The following ICA1 variants were observed in gnomAD, a reference collection of about 807,000 sequenced individuals.
The protein encoded by ICA1 is islet cell autoantigen 1.
A neutral mutation model predicts 71.0 loss-of-function variants in ICA1; 40 were observed. That is an observed-to-expected ratio of 0.56 (90% CI 0.44 to 0.73). ICA1 has a LOEUF of 0.73. Among genes scored for constraint, ICA1 ranks in the 30% least tolerant of loss-of-function variants. The pLI is 0.00. For missense variants in ICA1, 578 were observed against 576.5 expected (o/e 1.00, Z -0.03); for synonymous variants, 207 against 209.5 (o/e 0.99, Z 0.10).
intron 1 of ICA1, among the ~76,000 whole-genome samples, chr7:8,261,568 G>C (rs1812413791): frequency 1.3e-5 from 2 of 152,220 alleles, no homozygotes; most frequent in South Asian, 4.2e-4. Flanking sequence ...GTTATAAAGA[G>C]GTACCCATAT....
At chr7:8,243,842 C>T (rs1271304133) in intron 1 of ICA1, among the ~76,000 whole-genome samples, 1 of 152,030 alleles carries the variant, frequency 6.6e-6, no homozygotes, top group Non-Finnish European at 1.5e-5. Flanking sequence ...ATAAAATACC[C>T]AGGAATCCAA....
At chr7:8,161,519 T>C (rs906634915) in intron 6 of ICA1, among the ~76,000 whole-genome samples, 1 of 152,208 alleles carries the variant, frequency 6.6e-6, no homozygotes, top group African/African-American at 2.4e-5. Flanking sequence ...GTCAATGGGA[T>C]GTTAACAAAT....
chr7:8,175,881 G>A (rs751511680), intron 6 of ICA1, among the ~76,000 whole-genome samples: 1 of 152,132 alleles, frequency 6.6e-6, no homozygotes, highest in Non-Finnish European at 1.5e-5. Flanking sequence ...TCCACTTTTC[G>A]GAGTTTCCAA....
chr7:8,218,804 G>A (rs1186953676), intron 5 of ICA1: 2 of 429,890 alleles, frequency 4.7e-6, no homozygotes, highest in Admixed American at 7.2e-5. Flanking sequence ...TTTGAAGCTG[G>A]GGCCAATCCC....
rs1791074903 is a variant in ICA1 at position 8,130,568 on chromosome 7, C to G, written c.1061-2426G>C. ...GAAACCAGATAATTACTGAACCAAACCTATTCTATTGAAACCAAGTCAAGT... is the reference window on the plus strand; with the variant it reads ...GAAACCAGATAATTACTGAACCAAAGCTATTCTATTGAAACCAAGTCAAGT... On this transcript the variant is annotated intron_variant, in intron 12 of 13. Transcript: ENST00000402384. This position sits in a 1 kb window ranked among gnomAD's most constrained non-coding sequence, Gnocchi z 4.2. Among the ~76,000 whole-genome samples, 1 of 152,180 alleles carries G rather than the reference C, an allele frequency of 6.6e-6. No individual in the cohort carries two copies. Among genetic ancestry groups the G allele is most frequent in the South Asian group, 2.1e-4 (1 of 4,830 alleles).
chr7:8,182,566 T>C (rs1022852502), intron 6 of ICA1, among the ~76,000 whole-genome samples: 11 of 152,192 alleles, frequency 7.2e-5, no homozygotes, highest in African/African-American at 2.7e-4. Flanking sequence ...GGACACCCAT[T>C]ATCCCTGGGA....
intron 6 of ICA1, among the ~76,000 whole-genome samples, chr7:8,169,402 CAGTA>C: frequency 6.6e-6 from 1 of 152,204 alleles, no homozygotes; most frequent in Non-Finnish European, 1.5e-5. Flanking sequence ...CTAAATCATA[CAGTA>C]AGTGTGTGCT....
At chr7:8,239,553 T>C (rs1016280193) in intron 1 of ICA1, among the ~76,000 whole-genome samples, 2 of 152,176 alleles carry the variant, frequency 1.3e-5, no homozygotes, top group Admixed American at 6.5e-5. Flanking sequence ...TGGTTGACAG[T>C]GGGTGCAACC....
chr7:8,201,940 C>T (rs1319526764), intron 6 of ICA1, among the ~76,000 whole-genome samples: 1 of 152,146 alleles, frequency 6.6e-6, no homozygotes, highest in South Asian at 2.1e-4. Flanking sequence ...CCAGATGCTG[C>T]AGCAAGATAA....
At chr7:8,146,371 G>A (rs1281420347) in intron 8 of ICA1, among the ~76,000 whole-genome samples, 1 of 152,154 alleles carries the variant, frequency 6.6e-6, no homozygotes, top group Non-Finnish European at 1.5e-5. Context: ...GTTTGTCTGA[G>A]GAACAAAAAG....
intron 6 of ICA1, among the ~76,000 whole-genome samples, chr7:8,211,571 G>A (rs1793805660): frequency 6.6e-6 from 1 of 152,156 alleles, no homozygotes; most frequent in Non-Finnish European, 1.5e-5. Context: ...TCTGGAATTG[G>A]ACTGTCTGGG....
chr7:8,152,424 G>T (rs1337853752), intron 8 of ICA1, among the ~76,000 whole-genome samples: 1 of 151,790 alleles, frequency 6.6e-6, no homozygotes, highest in African/African-American at 2.4e-5. Context: ...GTCATTACTG[G>T]AGCCTTTACC....
At chr7:8,202,866 C>A (rs1028429535) in intron 6 of ICA1, among the ~76,000 whole-genome samples, 13 of 58,586 alleles carry the variant, frequency 2.2e-4, no homozygotes, top group Non-Finnish European at 4.0e-4. Context: ...GCAATAGACA[C>A]ACCGCACGAA....
At chr7:8,221,248 G>C in intron 5 of ICA1, 27 bp downstream of exon 5, 1 of 1,612,640 alleles carries the variant, frequency 6.2e-7, no homozygotes, top group Non-Finnish European at 8.5e-7. Flanking sequence ...GATCCCCCCA[G>C]ATAGAACCCC....
intron 3 of ICA1, 34 bp from the exon 4 acceptor site, chr7:8,228,707 AAC>A: frequency 7.0e-7 from 1 of 1,418,838 alleles, no homozygotes; most frequent in Non-Finnish European, 9.8e-7. Context: ...TGCAAAATAA[AAC>A]AGACAGTGGT....
intron 4 of ICA1, among the ~76,000 whole-genome samples, chr7:8,227,412 T>G (rs74796466): frequency 1.8e-4 from 28 of 152,176 alleles, no homozygotes; most frequent in Non-Finnish European, 3.7e-4. Context: ...AATACCAGCA[T>G]TTGAGACTGA....
chr7:8,262,195 G>C (rs984517217), upstream of ICA1: 2 of 152,200 alleles, frequency 1.3e-5, no homozygotes, highest in Non-Finnish European at 2.9e-5. Flanking sequence ...GAAAGGGGCG[G>C]GGGGAGCGCA....
chr7:8,184,645 AC>A (rs1783316535), intron 6 of ICA1, among the ~76,000 whole-genome samples: 1 of 152,152 alleles, frequency 6.6e-6, no homozygotes. Flanking sequence ...TTGAAATAAA[AC>A]CTAATGAACT....
intron 12 of ICA1, among the ~76,000 whole-genome samples, chr7:8,129,119 C>T (rs1790452370): frequency 1.3e-5 from 2 of 152,160 alleles, no homozygotes; most frequent in African/African-American, 4.8e-5. Context: ...AATCTTACAC[C>T]AAGTCCTTTC....
Sources: allele counts gnomAD v4.1 joint callset (sites outside exome capture counted in the v4.1 genomes callset), GRCh38; gene constraint gnomAD v4.1.1; non-coding constraint Gnocchi (gnomAD v3.1); transcripts MANE v1.5; gene names NCBI Gene and HGNC (gene_info 2026-07-23, HGNC 2026-07-21).